FLYWCH1: variants seen among roughly 807,000 people sequenced by gnomAD.
FLYWCH1 encodes FLYWCH-type zinc finger 1.
Under a neutral mutation model 66.4 loss-of-function variants are expected in FLYWCH1, and 75 were observed. The observed-to-expected ratio is 1.13, with a 90% CI of 0.94 to 1.37. FLYWCH1 has a LOEUF of 1.37. Ranked by LOEUF, FLYWCH1 falls within the 40% of genes most tolerant of loss-of-function variation. The pLI, the probability that FLYWCH1 is intolerant of heterozygous loss-of-function variation, is 0.00. For synonymous variants in FLYWCH1, 595 were observed against 429.9 expected (o/e 1.38, Z -4.75); for missense variants, 1,334 against 1,001.8 (o/e 1.33, Z -4.48).
intron 9 of FLYWCH1, among the ~76,000 whole-genome samples, chr16:2,947,788 T>C (rs1464944639): frequency 6.7e-6 from 1 of 149,196 alleles, no homozygotes; most frequent in Non-Finnish European, 1.5e-5. Context: ...AAAAATCCCT[T>C]ACAGTACTAA....
intron 9 of FLYWCH1, among the ~76,000 whole-genome samples, chr16:2,946,672 G>A (rs966252956): frequency 6.6e-6 from 1 of 152,006 alleles, no homozygotes; most frequent in African/African-American, 2.4e-5. Flanking sequence ...AATGGCCAAA[G>A]GACCTGAATA....
rs941636683 is a variant in FLYWCH1, at chr16:2,950,715, T to C, written c.*1988T>C. 9 of 152,298 alleles carry C rather than the reference T, an allele frequency of 5.9e-5. No homozygotes were observed. Among genetic ancestry groups the C allele is most frequent in the African/African-American group, 2.2e-4 (9 of 41,462 alleles). 9.4% of individuals were successfully genotyped at this position (152,298 alleles called of 1,614,324 possible). On this transcript the variant is annotated 3_prime_UTR_variant, in exon 10 of 10. Coordinates refer to ENST00000253928, the MANE Select transcript of FLYWCH1 (RefSeq NM_001308068.2). Reference sequence around the variant, plus strand: ...TCGGCTTCTCTTCCCTTTTGGATATTTGCGTCATTGACCGGGACTGGCCCA... The same window carrying C: ...TCGGCTTCTCTTCCCTTTTGGATATCTGCGTCATTGACCGGGACTGGCCCA...
At chr16:2,947,648 G>C (rs570929284) in intron 9 of FLYWCH1, among the ~76,000 whole-genome samples, 3 of 151,860 alleles carry the variant, frequency 2.0e-5, no homozygotes, top group Non-Finnish European at 4.4e-5. Context: ...TATAATCCCA[G>C]CTACTCATGA....
chr16:2,948,876 TC>T lies in FLYWCH1; in HGVS notation c.*152del. The T allele has an allele frequency of 1.5e-6, 1 of 659,920 alleles. No individual in the cohort carries two copies. Among genetic ancestry groups the T allele is most frequent in the Non-Finnish European group, 2.6e-6 (1 of 380,328 alleles). 40.9% of individuals were successfully genotyped at this position (659,920 alleles called of 1,614,324 possible). ...GGTCTTCGCGTCTCCTCAGGAGGTC[TC>T]CCAGGAGGAATTCTTGGATGGTGTC... is the stretch of plus-strand genomic sequence containing the variant. On this transcript the variant is annotated 3_prime_UTR_variant, in exon 10 of 10. Coordinates refer to ENST00000253928, the MANE Select transcript of FLYWCH1 (RefSeq NM_001308068.2).
At chr16:2,945,253 C>T (rs2071429507) in intron 9 of FLYWCH1, among the ~76,000 whole-genome samples, 2 of 151,082 alleles carry the variant, frequency 1.3e-5, no homozygotes, top group South Asian at 4.2e-4. Flanking sequence ...TTTGGGAGGC[C>T]GAGGCAGGCG....
intron 9 of FLYWCH1, among the ~76,000 whole-genome samples, chr16:2,948,380 G>A (rs1163962727): frequency 6.6e-6 from 1 of 151,836 alleles, no homozygotes; most frequent in Non-Finnish European, 1.5e-5. Flanking sequence ...CCAACATGGT[G>A]AAACCCCGTC....
At position 2,911,957 on chromosome 16, in the gene FLYWCH1, A is replaced by C. The variant is rs898420463; in HGVS notation, c.-385A>C. The stretch of plus-strand genomic sequence containing the variant: ...AAGTAGCGCGCCTGAGCGTTCCGCA[A>C]GGCCGGCTCCCCGGCGGGGTCGCGC... On this transcript the variant is annotated 5_prime_UTR_variant, in exon 1 of 10. Transcript: ENST00000253928. The C allele has an allele frequency of 2.7e-5, 4 of 150,064 alleles. No homozygotes were observed. Among genetic ancestry groups the C allele is most frequent in the African/African-American group, 9.7e-5 (4 of 41,114 alleles). 9.3% of individuals were successfully genotyped at this position (150,064 alleles called of 1,614,324 possible).
At chr16:2,936,201 G>C (rs966493245) in intron 6 of FLYWCH1, 1 of 345,448 alleles carries the variant, frequency 2.9e-6, no homozygotes, top group East Asian at 7.9e-5. Flanking sequence ...GTGAGCCACC[G>C]TGCGCAGCCC....
At position 2,940,101 on chromosome 16, in the gene FLYWCH1, ATTTGT is replaced by A; in HGVS notation, c.2111+11_2111+15del. ...AGCCAGCAGATTTATGGGTAATTGT[ATTTGT>A]TATCTAATGGTGCATGACCAATTAC... On this transcript the variant is annotated intron_variant, in intron 9 of 9. Coordinates refer to ENST00000253928, the MANE Select transcript of FLYWCH1 (RefSeq NM_001308068.2). 1 of 1,188,408 alleles carries A rather than the reference ATTTGT, an allele frequency of 8.4e-7. No homozygotes were observed. 73.6% of individuals were successfully genotyped at this position (1,188,408 alleles called of 1,614,324 possible).
In FLYWCH1 at chr16:2,933,478, C is replaced by G. The variant is rs1407722629; in HGVS notation, c.1145C>G (p.Thr382Ser). ...TACCGCAGGGGTCCGGGTCCCCTGA[C>G]TCTCACCAGGCCTCGGCCCAGAAAG... ...LLYRRGPGPL[T>S]LTRPRPRKRA... The change falls in exon 5 of 10, where the codon ACT becomes AGT. Residue 382 changes from threonine to serine, a missense_variant. Coordinates refer to ENST00000253928, the MANE Select transcript of FLYWCH1 (RefSeq NM_001308068.2). 3.1e-6 allele frequency: 5 copies of G among 1,606,006 alleles called. No homozygotes were observed. Among genetic ancestry groups the G allele is most frequent in the Non-Finnish European group, 4.2e-6 (5 of 1,176,814 alleles).
At chr16:2,936,311 C>T in intron 6 of FLYWCH1, 1 of 441,982 alleles carries the variant, frequency 2.3e-6, no homozygotes, top group South Asian at 1.6e-5. Flanking sequence ...GTCCTGACCT[C>T]TTCTGTCTCG....
intron 8 of FLYWCH1, among the ~76,000 whole-genome samples, chr16:2,939,538 C>CAGCCTGGCCAACATGGTGCAACCT (rs1567348541): frequency 9.2e-6 from 1 of 108,620 alleles, no homozygotes; most frequent in Non-Finnish European, 2.3e-5. Flanking sequence ...TGGTGAAACC[C>CAGCCTGGCCAACATGGTGCAACCT]TGTCTCTAAA....
chr16:2,942,971 G>T lies in FLYWCH1; in HGVS notation c.2111+2879G>T, dbSNP rs556369283. 5.3e-5 allele frequency among the ~76,000 whole-genome samples: 8 copies of T among 151,686 alleles called. No homozygotes were observed. The East Asian group carries it at 5.9e-4, about 11-fold the overall frequency. ...CCCGCCTCGGACTCCTAAAGTGCTG[G>T]GATTACAGGCATGAGCCACCACGCC... On this transcript the variant is annotated intron_variant, in intron 9 of 9. Coordinates refer to ENST00000253928, the MANE Select transcript of FLYWCH1 (RefSeq NM_001308068.2).
Position 2,937,388 on chromosome 16 carries a change from C to T in FLYWCH1, c.1777+4C>T, listed in dbSNP as rs371826559. On this transcript the variant is annotated splice_donor_region_variant and intron_variant, in intron 7 of 9. Transcript: ENST00000253928. ...CTGGCGCAGTGGGACAGCCCAGGTG[C>T]GTGTGGAGGGTGCTGGGCTGGGTCT... 103 of 1,544,244 alleles carry T rather than the reference C, an allele frequency of 6.7e-5. No individual in the cohort carries two copies. In the African/African-American group the frequency reaches 8.6e-4, roughly 13 times the overall value.
chr16:2,937,484 T>C (rs2071063261), intron 7 of FLYWCH1, 100 bp downstream of exon 7: 2 of 1,347,368 alleles, frequency 1.5e-6, no homozygotes, highest in Admixed American at 3.0e-5. Flanking sequence ...GTGTTGTGCA[T>C]GGTGGTCTGA....
intron 9 of FLYWCH1, among the ~76,000 whole-genome samples, chr16:2,944,952 A>G (rs769286087): frequency 6.6e-6 from 1 of 152,190 alleles, no homozygotes; most frequent in Non-Finnish European, 1.5e-5. Context: ...TTGTCCCTGA[A>G]GACCTTCCAG....
intron 9 of FLYWCH1, among the ~76,000 whole-genome samples, chr16:2,942,979 G>A (rs1055010584): frequency 1.3e-5 from 2 of 152,030 alleles, no homozygotes; most frequent in African/African-American, 4.8e-5. Flanking sequence ...TGGGATTACA[G>A]GCATGAGCCA....
intron 6 of FLYWCH1, chr16:2,936,231 C>T (rs772665656): frequency 4.4e-4 from 155 of 354,084 alleles, no homozygotes; most frequent in Non-Finnish European, 7.7e-4. Flanking sequence ...TATTTTCATC[C>T]GTGTGGAAGG....
In FLYWCH1 at chr16:2,923,225, G is replaced by A. The variant is rs369569406; in HGVS notation, c.-73-6388G>A. ...AGGAGCTCCCTTCTTCGCTTTCAGC[G>A]CCATCTTGTGAAGAGGCTGTTTTTG... On this transcript the variant is annotated intron_variant, in intron 2 of 9. Transcript: ENST00000253928. 7 of 323,872 alleles carry A rather than the reference G, an allele frequency of 2.2e-5. No individual in the cohort carries two copies. The East Asian group carries it at 3.4e-4, about 16-fold the overall frequency. 20.1% of individuals were successfully genotyped at this position (323,872 alleles called of 1,614,324 possible). A position where few individuals can be genotyped will look rare whatever the true frequency, so the allele number is the denominator to read the frequency against.
Sources: allele counts gnomAD v4.1 joint callset (sites outside exome capture counted in the v4.1 genomes callset), GRCh38; gene constraint gnomAD v4.1.1; transcripts MANE v1.5; gene names NCBI Gene and HGNC (gene_info 2026-07-23, HGNC 2026-07-21).